Variants in DACH1 observed in about 807,000 individuals in gnomAD.
DACH1 encodes dachshund homolog 1.
DACH1 carries 12 observed loss-of-function variants against 54.2 expected under a neutral mutation model. The observed-to-expected ratio is 0.22, with a 90% CI of 0.14 to 0.36. The LOEUF (loss-of-function observed/expected upper bound fraction) is 0.36. Ranked by LOEUF, DACH1 falls within the 10% of genes least tolerant of loss-of-function variation. The probability of loss-of-function intolerance (pLI) is 1.00; values close to 1 mark genes in which losing one functional copy is unlikely to be tolerated. For synonymous variants in DACH1, 386 were observed against 366.2 expected (o/e 1.05, Z -0.62); for missense variants, 805 against 929.8 (o/e 0.87, Z 1.75).
At chr13:71,797,338 AT>A (rs935919234) in intron 1 of DACH1, among the ~76,000 whole-genome samples, 4 of 152,232 alleles carry the variant, frequency 2.6e-5, no homozygotes, top group Admixed American at 1.3e-4. Flanking sequence ...GATCAAAAAA[AT>A]TAAGCTGAAA....
intron 2 of DACH1, among the ~76,000 whole-genome samples, chr13:71,659,944 G>C (rs1258710511): frequency 6.6e-6 from 1 of 152,026 alleles, no homozygotes; most frequent in Admixed American, 6.6e-5. Flanking sequence ...GTGTGTATTT[G>C]AGTCACTGGC....
chr13:71,739,846 A>C (rs537982493), intron 1 of DACH1, among the ~76,000 whole-genome samples: 1 of 152,368 alleles, frequency 6.6e-6, no homozygotes, highest in African/African-American at 2.4e-5. Flanking sequence ...TTTTCTTTGT[A>C]ACTAAGCAAG....
chr13:71,638,677 C>T (rs1027505949), intron 2 of DACH1, among the ~76,000 whole-genome samples: 4 of 152,058 alleles, frequency 2.6e-5, no homozygotes, highest in African/African-American at 9.7e-5. Flanking sequence ...TTACTTCAAC[C>T]AGAGCAATAT....
intron 1 of DACH1, among the ~76,000 whole-genome samples, chr13:71,864,895 A>G (rs1465012474): frequency 1.3e-5 from 2 of 152,174 alleles, no homozygotes; most frequent in Non-Finnish European, 2.9e-5. Flanking sequence ...TGAGCATCCC[A>G]GTGCAAAGTG....
chr13:71,444,107 A>G (rs1566262360), intron 10 of DACH1, among the ~76,000 whole-genome samples: 1 of 152,154 alleles, frequency 6.6e-6, no homozygotes, highest in Non-Finnish European at 1.5e-5. Context: ...TAATAATATT[A>G]TAAAAATAAA....
intron 7 of DACH1, among the ~76,000 whole-genome samples, chr13:71,482,782 A>G (rs1346403274): frequency 1.4e-5 from 2 of 147,334 alleles, no homozygotes; most frequent in African/African-American, 5.0e-5. Flanking sequence ...ATAGTACAGT[A>G]TCAACTGACA....
At chr13:71,702,966 CTTATAGTCTAACATATTTA>C (rs1882227190) in intron 1 of DACH1, among the ~76,000 whole-genome samples, 1 of 152,124 alleles carries the variant, frequency 6.6e-6, no homozygotes, top group Non-Finnish European at 1.5e-5. Context: ...TGTTTAACAA[CTTATAGTCTAACATATTTA>C]TTGCCATCTC....
intron 1 of DACH1, 98 bp downstream of exon 1, chr13:71,865,824 G>T: frequency 7.5e-7 from 1 of 1,327,014 alleles, no homozygotes; most frequent in Non-Finnish European, 9.6e-7. Context: ...CGCGGCTCGC[G>T]GGCGCGCAGA....
intron 6 of DACH1, among the ~76,000 whole-genome samples, chr13:71,497,623 C>T (rs768281970): frequency 7.2e-5 from 11 of 151,986 alleles, no homozygotes; most frequent in African/African-American, 1.9e-4. Flanking sequence ...TGAGCCACTG[C>T]GCCCCTGCTC....
intron 1 of DACH1, among the ~76,000 whole-genome samples, chr13:71,696,757 G>T (rs73523434): frequency 6.9e-4 from 105 of 152,154 alleles, no homozygotes; most frequent in African/African-American, 2.4e-3. Flanking sequence ...ATGTTGGTCA[G>T]GCTGATCTCG....
chr13:71,565,851 G>A (rs1443722480), intron 4 of DACH1, among the ~76,000 whole-genome samples: 1 of 152,130 alleles, frequency 6.6e-6, no homozygotes, highest in Non-Finnish European at 1.5e-5. Context: ...AAGTGTGTAT[G>A]AAAATTCACA....
rs1451767600 is a variant in DACH1, at chr13:71,519,887, A to G, written c.1571-30739T>C. Among the ~76,000 whole-genome samples, 36 of 123,780 alleles carry G rather than the reference A, an allele frequency of 2.9e-4. 3 individuals carry two copies. Among genetic ancestry groups the G allele is most frequent in the Non-Finnish European group, 5.2e-4 (29 of 55,470 alleles). The allele number at this position is 123,780 out of a possible 152,430, so 81.2% of individuals were successfully genotyped here. A position where few individuals can be genotyped will look rare whatever the true frequency, so the allele number is the denominator to read the frequency against. On this transcript the variant is annotated intron_variant, in intron 6 of 10. Coordinates refer to ENST00000613252, the MANE Select transcript of DACH1 (RefSeq NM_080759.6). ...GTTTGTGTCCAAACCAAAGTAGTAT[A>G]TATATATATATATATATATATCCTA...
At chr13:71,647,754 T>A (rs890705743) in intron 2 of DACH1, among the ~76,000 whole-genome samples, 1 of 152,148 alleles carries the variant, frequency 6.6e-6, no homozygotes, top group Non-Finnish European at 1.5e-5. Flanking sequence ...GTTGTTATTG[T>A]GGAGCAACTA....
chr13:71,740,838 C>T (rs1884350765), intron 1 of DACH1, among the ~76,000 whole-genome samples: 1 of 152,078 alleles, frequency 6.6e-6, no homozygotes. Context: ...ATACTGAAAA[C>T]ATAGATTATA....
chr13:71,843,278 T>G (rs564908334), intron 1 of DACH1, among the ~76,000 whole-genome samples: 10 of 152,232 alleles, frequency 6.6e-5, no homozygotes, highest in African/African-American at 2.4e-4. Context: ...ATGTATTTAT[T>G]CATTTGAGAC....
In DACH1 at chr13:71,813,066, T is replaced by C. The variant is rs528642960; in HGVS notation, c.848+52856A>G. 5.9e-5 allele frequency among the ~76,000 whole-genome samples: 9 copies of C among 152,336 alleles called. No homozygotes were observed. In the South Asian group the frequency reaches 1.9e-3, roughly 32 times the overall value. The stretch of plus-strand genomic sequence containing the variant: ...ATCTTTTCTGATATGTCTAGCATCT[T>C]AAACATATTAACAATGGTCTAACAA... On this transcript the variant is annotated intron_variant, in intron 1 of 10. Transcript: ENST00000613252.
At chr13:71,785,207 G>A (rs1886542640) in intron 1 of DACH1, among the ~76,000 whole-genome samples, 1 of 152,080 alleles carries the variant, frequency 6.6e-6, no homozygotes, top group South Asian at 2.1e-4. Flanking sequence ...AAGAAACCCG[G>A]TTGTATCTTT....
intron 1 of DACH1, among the ~76,000 whole-genome samples, chr13:71,826,102 T>C (rs536641282): frequency 1.3e-5 from 2 of 152,232 alleles, no homozygotes; most frequent in African/African-American, 4.8e-5. Context: ...CAAATATCCA[T>C]TTGACTGCTT....
chr13:71,492,462 C>G (rs1160392131), intron 6 of DACH1, among the ~76,000 whole-genome samples: 1 of 151,990 alleles, frequency 6.6e-6, no homozygotes, highest in Non-Finnish European at 1.5e-5. Flanking sequence ...GTTTCACCTA[C>G]AGTTAAGGAA....
Sources: allele counts gnomAD v4.1 joint callset (sites outside exome capture counted in the v4.1 genomes callset), GRCh38; gene constraint gnomAD v4.1.1; transcripts MANE v1.5; gene names NCBI Gene and HGNC (gene_info 2026-07-23, HGNC 2026-07-21).